The following P2RX5 variants were observed in gnomAD, a reference collection of about 807,000 sequenced individuals.
P2RX5 encodes the protein P2X purinoceptor 5.
In P2RX5, 46 loss-of-function variants were observed where a neutral mutation model predicts 54.1. The observed-to-expected ratio is 0.85, with a 90% CI of 0.67 to 1.09. P2RX5 has a LOEUF of 1.09. Ranked by LOEUF, P2RX5 falls within the 50% of genes least tolerant of loss-of-function variation. The pLI is 0.00. For synonymous variants in P2RX5, 226 were observed against 226.4 expected, an observed-to-expected ratio of 1.00 and a Z score of 0.02; for missense variants, 566 against 549.8, an observed-to-expected ratio of 1.03 and a Z score of -0.29.
the P2RX5 span, among the ~76,000 whole-genome samples, chr17:3,703,362 C>T: frequency 6.6e-6 from 1 of 151,896 alleles, no homozygotes; most frequent in African/African-American, 2.4e-5. Flanking sequence ...CAAAACAAAA[C>T]AAAAAACATT....
At chr17:3,705,066 A>G in the P2RX5 span, among the ~76,000 whole-genome samples, 1 of 152,200 alleles carries the variant, frequency 6.6e-6, no homozygotes, top group African/African-American at 2.4e-5. Flanking sequence ...AGCAGTGACA[A>G]GTCTACCACG....
the P2RX5 span, among the ~76,000 whole-genome samples, chr17:3,704,977 GCCT>G: frequency 6.6e-6 from 1 of 152,186 alleles, no homozygotes; most frequent in Non-Finnish European, 1.5e-5. Flanking sequence ...TTGTACTACA[GCCT>G]GGACAACAAG....
chr17:3,706,298 T>G, the P2RX5 span, among the ~76,000 whole-genome samples: 1 of 152,140 alleles, frequency 6.6e-6, no homozygotes, highest in South Asian at 2.1e-4. Context: ...TTTCGCCGTG[T>G]TGCCCAGGCT....
chr17:3,690,290 C>T, intron 5 of P2RX5, 137 bp downstream of exon 5: 1 of 1,130,328 alleles, frequency 8.8e-7, no homozygotes, highest in Non-Finnish European at 1.3e-6. Flanking sequence ...GCTGGGGAGG[C>T]CGTCGGGCCT....
At chr17:3,684,835 C>CCT (rs2050390904) in intron 9 of P2RX5, among the ~76,000 whole-genome samples, 3 of 86,706 alleles carry the variant, frequency 3.5e-5, no homozygotes, top group African/African-American at 4.0e-5. Context: ...ATCCTGCCCC[C>CCT]TTTTTTTTTT....
the P2RX5 span, chr17:3,716,627 G>A: frequency 9.6e-7 from 1 of 1,046,280 alleles, no homozygotes; most frequent in Non-Finnish European, 1.5e-6. Flanking sequence ...GTCCTAAGGA[G>A]TTCTGTGCCC....
chr17:3,697,453 C>T (rs1324749471), upstream of P2RX5, among the ~76,000 whole-genome samples: 1 of 152,116 alleles, frequency 6.6e-6, no homozygotes, highest in Non-Finnish European at 1.5e-5. Context: ...TGCAGTCTGA[C>T]CACAAGCAGT....
At chr17:3,674,583 C>T (rs887143764) in intron 11 of P2RX5, among the ~76,000 whole-genome samples, 4 of 152,170 alleles carry the variant, frequency 2.6e-5, no homozygotes, top group Non-Finnish European at 2.9e-5. Flanking sequence ...TCTAAGGAAG[C>T]AAAGTCTAAA....
upstream of P2RX5, among the ~76,000 whole-genome samples, chr17:3,700,608 C>T (rs900957025): frequency 2.0e-4 from 30 of 152,120 alleles, no homozygotes; most frequent in Non-Finnish European, 3.7e-4. Flanking sequence ...AGAAAAATGC[C>T]TGCTGCTTTC....
At chr17:3,692,798 T>C (rs1260145904) in intron 1 of P2RX5, among the ~76,000 whole-genome samples, 1 of 152,070 alleles carries the variant, frequency 6.6e-6, no homozygotes, top group African/African-American at 2.4e-5. Flanking sequence ...GCCATGATTG[T>C]GCCCAGGTGA....
intron 9 of P2RX5, among the ~76,000 whole-genome samples, chr17:3,683,726 T>A: frequency 1.0e-5 from 1 of 97,298 alleles, no homozygotes; most frequent in South Asian, 4.5e-4. Context: ...TGAGACTCCG[T>A]CTCAAAAAAA....
chr17:3,689,943 CGA>C, intron 6 of P2RX5, 125 bp downstream of exon 6: 1 of 924,372 alleles, frequency 1.1e-6, no homozygotes, highest in Non-Finnish European at 1.8e-6. Context: ...CGCACACACG[CGA>C]ACACACGCAC....
the P2RX5 span, among the ~76,000 whole-genome samples, chr17:3,706,128 G>T: frequency 1.3e-5 from 2 of 151,910 alleles, no homozygotes; most frequent in South Asian, 4.2e-4. Flanking sequence ...CTAATTTGTT[G>T]TATTTTAGTA....
upstream of P2RX5, among the ~76,000 whole-genome samples, chr17:3,700,126 G>A (rs192555386): frequency 6.6e-6 from 1 of 152,290 alleles, no homozygotes; most frequent in Non-Finnish European, 1.5e-5. Flanking sequence ...CCCAGTATCT[G>A]CATTCTATCT....
intron 1 of P2RX5, among the ~76,000 whole-genome samples, chr17:3,692,650 G>A (rs886846457): frequency 1.3e-5 from 2 of 151,932 alleles, no homozygotes; most frequent in Non-Finnish European, 2.9e-5. Flanking sequence ...GAGACCAGCC[G>A]GGGCAACACA....
intron 11 of P2RX5, chr17:3,676,923 A>G (rs1408489354): frequency 4.1e-6 from 1 of 243,854 alleles, no homozygotes; most frequent in East Asian, 1.8e-4. Flanking sequence ...TTAGCCGGGC[A>G]TGGTGGTGGG....
chr17:3,692,323 T>A (rs962306852), intron 1 of P2RX5, among the ~76,000 whole-genome samples: 4 of 151,208 alleles, frequency 2.6e-5, no homozygotes, highest in African/African-American at 7.3e-5. Flanking sequence ...TCTCAAAAAA[T>A]AAATAAATAA....
rs140158423 is a variant in P2RX5, at chr17:3,679,310, G to A, written c.1259+280C>T. ...AGTACAGAGGGGTTCCAGGCAGAGAGTCAGTGCTGTGGAGCAGCGCGCTGT... is the reference window on the plus strand; with the variant it reads ...AGTACAGAGGGGTTCCAGGCAGAGAATCAGTGCTGTGGAGCAGCGCGCTGT... On this transcript the variant is annotated intron_variant, in intron 11 of 11. Coordinates refer to ENST00000225328, the MANE Select transcript of P2RX5 (RefSeq NM_002561.4). Among the ~76,000 whole-genome samples the A allele has an allele frequency of 3.7e-3, 564 of 152,324 alleles. 4 individuals carry two copies. The highest frequency in any genetic ancestry group is 0.01 in the Middle Eastern group (3 of 294).
the P2RX5 span, among the ~76,000 whole-genome samples, chr17:3,702,958 A>T: frequency 6.6e-6 from 1 of 152,184 alleles, no homozygotes; most frequent in African/African-American, 2.4e-5. Flanking sequence ...AGTCTCTGAT[A>T]AAATCCTGGT....
Sources: allele counts gnomAD v4.1 joint callset (sites outside exome capture counted in the v4.1 genomes callset), GRCh38; gene constraint gnomAD v4.1.1; transcripts MANE v1.5; gene names NCBI Gene and HGNC (gene_info 2026-07-23, HGNC 2026-07-21).